The following NAALADL2 variants were observed in gnomAD, a reference collection of about 807,000 sequenced individuals.
The protein encoded by NAALADL2 is inactive N-acetylated-alpha-linked acidic dipeptidase-like protein 2.
In NAALADL2, 76 loss-of-function variants were observed where a neutral mutation model predicts 87.2. The ratio of observed to expected loss-of-function variants is 0.87; its 90% CI spans 0.72 to 1.05. The LOEUF (loss-of-function observed/expected upper bound fraction) is 1.05, where lower values mean the gene tolerates loss of function less well. Ranked by LOEUF, NAALADL2 falls within the 50% of genes least tolerant of loss-of-function variation. NAALADL2 has a pLI of 0.00. For synonymous variants in NAALADL2, 354 were observed against 331.0 expected (o/e 1.07, Z -0.75); for missense variants, 1,089 against 945.8 (o/e 1.15, Z -1.99).
intron 2 of NAALADL2, among the ~76,000 whole-genome samples, chr3:174,720,451 T>C (rs564473320): frequency 3.3e-5 from 5 of 152,260 alleles, no homozygotes; most frequent in East Asian, 3.9e-4. Flanking sequence ...TAGAGAGATA[T>C]AGCTACAGAT....
intron 10 of NAALADL2, among the ~76,000 whole-genome samples, chr3:175,588,534 C>CTTTTTTTTTTTTTTTTTTTTTTTTTTT (rs1168817019): frequency 2.2e-4 from 17 of 78,142 alleles, no homozygotes; most frequent in African/African-American, 3.1e-4. Flanking sequence ...TCTTTCTTTT[C>CTTTTTTTTTTTTTTTTTTTTTTTTTTT]TTTTTTTTTT....
chr3:175,539,828 G>T (rs1255369401), intron 9 of NAALADL2, among the ~76,000 whole-genome samples: 2 of 152,280 alleles, frequency 1.3e-5, no homozygotes, highest in East Asian at 1.9e-4. Context: ...GAACTGTAGG[G>T]CATAGTGAGG....
At position 175,574,766 on chromosome 3, in the gene NAALADL2, A is replaced by G. The variant is rs903758734; in HGVS notation, c.1654-1275A>G. On this transcript the variant is annotated intron_variant, in intron 9 of 13. Coordinates refer to ENST00000454872, the MANE Select transcript of NAALADL2 (RefSeq NM_207015.3). ...GATTTTATAGTTTTATTTTATATAGATTATATTTAAAAGTATTTTTGAAAT... is the reference window on the plus strand; with the variant it reads ...GATTTTATAGTTTTATTTTATATAGGTTATATTTAAAAGTATTTTTGAAAT... Among the ~76,000 whole-genome samples the G allele has an allele frequency of 2.6e-5, 4 of 152,124 alleles. No homozygotes were observed. The East Asian group carries it at 7.7e-4, about 29-fold the overall frequency.
chr3:175,744,628 G>T (rs1393863629), intron 12 of NAALADL2, among the ~76,000 whole-genome samples: 2 of 152,104 alleles, frequency 1.3e-5, no homozygotes, highest in Non-Finnish European at 2.9e-5. Context: ...TTTACTTTTT[G>T]TGACTTAAAA....
chr3:174,823,327 A>G (rs1254507086), intron 3 of NAALADL2, among the ~76,000 whole-genome samples: 2 of 152,016 alleles, frequency 1.3e-5, no homozygotes, highest in Non-Finnish European at 2.9e-5. Flanking sequence ...CAAGATCCTA[A>G]TTAAAATGTT....
intron 2 of NAALADL2, among the ~76,000 whole-genome samples, chr3:174,616,824 TC>T (rs1398652108): frequency 3.9e-5 from 6 of 151,976 alleles, no homozygotes; most frequent in Admixed American, 3.9e-4. Context: ...TAGAAATATA[TC>T]TGGTTTCTAT....
intron 3 of NAALADL2, among the ~76,000 whole-genome samples, chr3:175,255,005 G>C (rs1201000186): frequency 2.0e-5 from 3 of 152,166 alleles, no homozygotes; most frequent in Non-Finnish European, 2.9e-5. Context: ...ACCTGGGCGA[G>C]TATGGGTATG....
intron 4 of NAALADL2, among the ~76,000 whole-genome samples, chr3:175,308,692 C>A (rs917176543): frequency 2.6e-5 from 4 of 152,038 alleles, no homozygotes; most frequent in Non-Finnish European, 5.9e-5. Flanking sequence ...AATAGGGATG[C>A]CTTTCTGGAC....
intron 11 of NAALADL2, among the ~76,000 whole-genome samples, chr3:175,710,182 C>T (rs1740334195): frequency 6.6e-6 from 1 of 151,780 alleles, no homozygotes; most frequent in Non-Finnish European, 1.5e-5. Flanking sequence ...AGGAAAGAAA[C>T]AGAAGGTCTG....
chr3:174,706,818 G>T (rs955978292), intron 2 of NAALADL2, among the ~76,000 whole-genome samples: 6 of 152,114 alleles, frequency 3.9e-5, no homozygotes, highest in African/African-American at 7.2e-5. Flanking sequence ...TTTGTATAAG[G>T]TGTAAGGAAG....
At chr3:175,462,815 A>C (rs530685178) in intron 6 of NAALADL2, among the ~76,000 whole-genome samples, 1 of 152,232 alleles carries the variant, frequency 6.6e-6, no homozygotes, top group Non-Finnish European at 1.5e-5. Flanking sequence ...AGCGATTAGT[A>C]CAGATTTAGA....
chr3:175,063,481 A>G (rs959191255), intron 1 of NAALADL2, among the ~76,000 whole-genome samples: 5 of 151,634 alleles, frequency 3.3e-5, no homozygotes, highest in African/African-American at 1.2e-4. Context: ...GTTTATATAT[A>G]TTTTACTGCT....
intron 6 of NAALADL2, among the ~76,000 whole-genome samples, chr3:175,453,310 G>A (rs1314572780): frequency 6.6e-6 from 1 of 152,016 alleles, no homozygotes; most frequent in Non-Finnish European, 1.5e-5. Context: ...ACAAAAACTT[G>A]CACGGATTCC....
chr3:175,802,997 C>T lies in NAALADL2; in HGVS notation c.2190-8C>T. On this transcript the variant is annotated splice_region_variant and splice_polypyrimidine_tract_variant and intron_variant, in intron 13 of 13. Coordinates refer to ENST00000454872, the MANE Select transcript of NAALADL2 (RefSeq NM_207015.3). ...TGAAACATTTATACATTTTGTATTT[C>T]TTTTCAGAAACATCCTCTACCACCT... 1 of 1,597,552 alleles carries T rather than the reference C, an allele frequency of 6.3e-7. No homozygotes were observed. The highest frequency in any genetic ancestry group is 8.6e-7 in the Non-Finnish European group (1 of 1,166,870).
chr3:174,891,688 C>T (rs1361254190), intron 1 of NAALADL2, among the ~76,000 whole-genome samples: 1 of 152,148 alleles, frequency 6.6e-6, no homozygotes, highest in East Asian at 1.9e-4. Flanking sequence ...GTCCAAAGTG[C>T]TCTTGGTCTC....
chr3:174,615,717 T>A (rs950244944), intron 2 of NAALADL2, among the ~76,000 whole-genome samples: 4 of 152,062 alleles, frequency 2.6e-5, no homozygotes, highest in African/African-American at 9.7e-5. Context: ...CCTCTCTCTT[T>A]CTCTTGCTCT....
chr3:174,555,372 C>T (rs1462491003), intron 2 of NAALADL2, among the ~76,000 whole-genome samples: 1 of 152,058 alleles, frequency 6.6e-6, no homozygotes, highest in South Asian at 2.1e-4. Context: ...CGATCTTGGC[C>T]CACTGCAACC....
chr3:174,998,319 C>T (rs1031932685), intron 1 of NAALADL2, among the ~76,000 whole-genome samples: 4 of 152,204 alleles, frequency 2.6e-5, no homozygotes, highest in Admixed American at 1.3e-4. Flanking sequence ...TCCCACCAAA[C>T]ACTTACAGAT....
intron 13 of NAALADL2, among the ~76,000 whole-genome samples, chr3:175,760,652 C>A (rs1747881707): frequency 6.6e-6 from 1 of 152,146 alleles, no homozygotes; most frequent in Admixed American, 6.5e-5. Flanking sequence ...AATTCTAAAT[C>A]TTGTATCTCA....
Sources: allele counts gnomAD v4.1 joint callset (sites outside exome capture counted in the v4.1 genomes callset), GRCh38; gene constraint gnomAD v4.1.1; transcripts MANE v1.5; gene names NCBI Gene and HGNC (gene_info 2026-07-23, HGNC 2026-07-21).